Variants in TMF1 observed in about 807,000 individuals in gnomAD.
TMF1 encodes TATA element modulatory factor.
Under a neutral mutation model 126.5 loss-of-function variants are expected in TMF1, and 71 were observed. The ratio of observed to expected loss-of-function variants is 0.56; its 90% CI spans 0.46 to 0.68. TMF1 has a LOEUF of 0.68. TMF1 is among the 30% of genes least tolerant of loss of function. The pLI is 0.00. For missense variants in TMF1, 1,259 were observed against 1,253.2 expected (o/e 1.00, Z -0.07); for synonymous variants, 461 against 430.5 (o/e 1.07, Z -0.88).
intron 8 of TMF1, among the ~76,000 whole-genome samples, chr3:69,036,034 T>G (rs1202000955): frequency 1.3e-5 from 2 of 150,112 alleles, no homozygotes; most frequent in African/African-American, 4.9e-5. Flanking sequence ...AAAGGATATA[T>G]GGACCATGGC....
chr3:69,027,285 C>T (rs1016219598), intron 13 of TMF1, among the ~76,000 whole-genome samples: 9 of 152,142 alleles, frequency 5.9e-5, no homozygotes, highest in Non-Finnish European at 1.3e-4. Context: ...TGTGAGTCCC[C>T]ATGCTCAGCC....
Position 69,033,654 on chromosome 3 carries a change from T to C in TMF1, c.2295A>G (p.Ser765=). ...GTCGAAGCAATGGTCTTGTTGTTGA[T>C]GAAACACTTTGACTCAGTTCCTGGT... The part of the protein sequence containing the change: ...NRNQELSQSV[S]STTRPLLRQI... The change falls in exon 10 of 17, where the codon TCA becomes TCG. Residue 765 remains serine (S), a synonymous_variant. Coordinates refer to ENST00000398559, the MANE Select transcript of TMF1 (RefSeq NM_007114.3). 1.2e-6 allele frequency: 2 copies of C among 1,613,938 alleles called. No homozygotes were observed. Among genetic ancestry groups the C allele is most frequent in the Non-Finnish European group, 1.7e-6 (2 of 1,179,956 alleles).
At position 69,038,681 on chromosome 3, in the gene TMF1, A is replaced by G; in HGVS notation, c.2034T>C (p.Asp678=). 1 of 1,614,066 alleles carries G rather than the reference A, an allele frequency of 6.2e-7. No homozygotes were observed. Among genetic ancestry groups the G allele is most frequent in the Non-Finnish European group, 8.5e-7 (1 of 1,180,006 alleles). The change falls in exon 8 of 17, where the codon GAT becomes GAC. Residue 678 remains aspartate, a synonymous_variant. Coordinates refer to ENST00000398559, the MANE Select transcript of TMF1 (RefSeq NM_007114.3). ...TDLHKANAAK[D]SEAQEAALSR... ...TCAGAGCAGCTTCCTGTGCCTCACT[A>G]TCCTTTGCAGCATTGGCTTTGTGAA...
At chr3:69,050,914 G>T (rs1203526178) in intron 1 of TMF1, among the ~76,000 whole-genome samples, 1 of 152,134 alleles carries the variant, frequency 6.6e-6, no homozygotes, top group Non-Finnish European at 1.5e-5. Flanking sequence ...CTGTTCCTTA[G>T]ACTTAAGAGT....
chr3:69,038,781 T>C (rs1386986632), intron 7 of TMF1, 61 bp from the exon 8 acceptor site: 2 of 1,587,076 alleles, frequency 1.3e-6, no homozygotes, highest in Non-Finnish European at 1.7e-6. Context: ...AAAAAGTATT[T>C]CTTCAACATC....
Position 69,025,721 on chromosome 3 carries a change from A to G in TMF1, c.2860-9T>C, listed in dbSNP as rs759574122. On this transcript the variant is annotated splice_polypyrimidine_tract_variant and intron_variant, in intron 14 of 16. Coordinates refer to ENST00000398559, the MANE Select transcript of TMF1 (RefSeq NM_007114.3). ...TGATCATGAGACTCATCCTATGTTA[A>G]TTAAGAAAGTTCACACAGTTACTCA... 36 of 1,608,742 alleles carry G rather than the reference A, an allele frequency of 2.2e-5. No homozygotes were observed. Among genetic ancestry groups the G allele is most frequent in the Non-Finnish European group, 5.1e-6 (6 of 1,178,080 alleles).
At position 69,044,506 on chromosome 3, in the gene TMF1, A is replaced by G. The variant is rs1298035070; in HGVS notation, c.1437T>C (p.Phe479=). The change falls in exon 3 of 17, where the codon TTT becomes TTC. Residue 479 remains phenylalanine, a synonymous_variant. Coordinates refer to ENST00000398559, the MANE Select transcript of TMF1 (RefSeq NM_007114.3). The part of the protein sequence containing the change: ...SKEKALLEEA[F]DNLKDEMFRV... ...AGAATACTTACTCTTTCAGGTTATC[A>G]AAAGCTTCTTCTAGAAGTGCTTTTT... 1 of 1,589,434 alleles carries G rather than the reference A, an allele frequency of 6.3e-7. No homozygotes were observed. The highest frequency in any genetic ancestry group is 8.6e-7 in the Non-Finnish European group (1 of 1,169,164).
rs781080832 is a variant in TMF1, at chr3:69,023,188, T to C, written c.3271A>G (p.Ser1091Gly). 5.0e-5 allele frequency: 80 copies of C among 1,610,168 alleles called. No individual in the cohort carries two copies. Among genetic ancestry groups the C allele is most frequent in the Middle Eastern group, 1.7e-4 (1 of 5,986 alleles). Residue 1091 changes from serine to glycine, a missense_variant, in exon 17 of 17, where the codon AGT becomes GGT. Coordinates refer to ENST00000398559, the MANE Select transcript of TMF1 (RefSeq NM_007114.3). Reference protein sequence around the residue: ...KTQIDELLRQSLS With the variant: ...KTQIDELLRQGLS ...TCAATTTTCACAAGTTAACTGAGAC[T>C]TTGTCTTAAAAGTTCATCTATTTGA... is the stretch of plus-strand genomic sequence containing the variant.
intron 10 of TMF1, chr3:69,030,281 C>A (rs966398918): frequency 6.6e-6 from 2 of 301,484 alleles, no homozygotes; most frequent in African/African-American, 4.3e-5. Flanking sequence ...CCTGGAGCAA[C>A]TGGACAGCTA....
chr3:69,047,782 T>C lies in TMF1; in HGVS notation c.923A>G (p.Asp308Gly), dbSNP rs1200996924. The C allele has an allele frequency of 1.9e-6, 3 of 1,614,110 alleles. No individual in the cohort carries two copies. Among genetic ancestry groups the C allele is most frequent in the Admixed American group, 1.7e-5 (1 of 60,020 alleles). Residue 308 changes from aspartate (D) to glycine (G), a missense_variant, in exon 2 of 17, where the codon GAT (aspartate) becomes GGT (glycine). Coordinates refer to ENST00000398559, the MANE Select transcript of TMF1 (RefSeq NM_007114.3). ...ASACPEYNRLDDFQKLTESCC... is the reference protein window; with the variant it reads ...ASACPEYNRLGDFQKLTESCC... ...ACTCTCAGTGAGTTTTTGGAAATCATCTAAACGATTATATTCAGGACAAGC... is the reference window on the plus strand; with the variant it reads ...ACTCTCAGTGAGTTTTTGGAAATCACCTAAACGATTATATTCAGGACAAGC...
rs111542457 is a variant in TMF1 at position 69,038,497 on chromosome 3, T to C, written c.2151+67A>G. ...ACATTGTTTGATTCAAACCAGCTAATTGTTTAATTTGTAGAAGCATAAACA... is the reference window on the plus strand; with the variant it reads ...ACATTGTTTGATTCAAACCAGCTAACTGTTTAATTTGTAGAAGCATAAACA... On this transcript the variant is annotated intron_variant, in intron 8 of 16. Coordinates refer to ENST00000398559, the MANE Select transcript of TMF1 (RefSeq NM_007114.3). 1,231 of 1,523,622 alleles carry C rather than the reference T, an allele frequency of 8.1e-4. 8 individuals carry two copies. The African/African-American group carries it at 0.015, about 19-fold the overall frequency. The allele number at this position is 1,523,622 out of a possible 1,614,324, so 94.4% of individuals were successfully genotyped here.
In TMF1 at chr3:69,047,343, A is replaced by G. The variant is rs780597222; in HGVS notation, c.1347+15T>C. 6.5e-6 allele frequency: 10 copies of G among 1,546,492 alleles called. No individual in the cohort carries two copies. Among genetic ancestry groups the G allele is most frequent in the Non-Finnish European group, 8.7e-6 (10 of 1,147,034 alleles). Reference sequence around the variant, plus strand: ...AAAAGCACATCTAAAAATCCCTTCCACTTACTAGAGTTACCTTGCAAACAT... The same window carrying G: ...AAAAGCACATCTAAAAATCCCTTCCGCTTACTAGAGTTACCTTGCAAACAT... On this transcript the variant is annotated intron_variant, in intron 2 of 16. Coordinates refer to ENST00000398559, the MANE Select transcript of TMF1 (RefSeq NM_007114.3).
rs1158311697 is a variant in TMF1 at position 69,052,276 on chromosome 3, A to T, written c.-190T>A. 5.7e-6 allele frequency: 3 copies of T among 525,316 alleles called. No homozygotes were observed. Among genetic ancestry groups the T allele is most frequent in the Non-Finnish European group, 9.7e-6 (3 of 307,698 alleles). 32.5% of individuals were successfully genotyped at this position (525,316 alleles called of 1,614,324 possible). A position where few individuals can be genotyped will look rare whatever the true frequency, so the allele number is the denominator to read the frequency against. ...CGGCCGTTCCCGCACAGCTGAGACG[A>T]AGGGGGCCCATGTGCGCATGCGCTT... On this transcript the variant is annotated 5_prime_UTR_variant, in exon 1 of 17. Transcript: ENST00000398559.
At chr3:69,035,546 C>CTTT (rs2091827107) in intron 8 of TMF1, 1 of 154,826 alleles carries the variant, frequency 6.5e-6, no homozygotes, top group Non-Finnish European at 1.4e-5. Context: ...AAAGAATCAT[C>CTTT]AAACTTCTCA....
At chr3:69,031,363 G>A (rs2091801108) in intron 10 of TMF1, among the ~76,000 whole-genome samples, 1 of 152,066 alleles carries the variant, frequency 6.6e-6, no homozygotes, top group African/African-American at 2.4e-5. Flanking sequence ...TGTTGGAACT[G>A]TTCAATATCT....
At position 69,036,251 on chromosome 3, in the gene TMF1, G is replaced by A. The variant is rs775723981; in HGVS notation, c.2152-1136C>T. Reference sequence around the variant, plus strand: ...GTATAAACAATAAACTATCATTTACGTAAAAAGGATGTAGGAGATAGAAAT... The same window carrying A: ...GTATAAACAATAAACTATCATTTACATAAAAAGGATGTAGGAGATAGAAAT... On this transcript the variant is annotated intron_variant, in intron 8 of 16. Coordinates refer to ENST00000398559, the MANE Select transcript of TMF1 (RefSeq NM_007114.3). 2.6e-4 allele frequency among the ~76,000 whole-genome samples: 40 copies of A among 151,358 alleles called. 1 individual carries two copies. The highest frequency in any genetic ancestry group is 5.9e-4 in the Admixed American group (9 of 15,200).
chr3:69,032,091 T>A (rs552379448), intron 10 of TMF1, among the ~76,000 whole-genome samples: 2 of 152,220 alleles, frequency 1.3e-5, no homozygotes, highest in South Asian at 4.1e-4. Flanking sequence ...CTAGACCAAA[T>A]CTTTCATGGA....
In TMF1 at chr3:69,025,585, C is replaced by G; in HGVS notation, c.2987G>C (p.Arg996Thr). ...CTGTAAATGAGTGATTTCCCCTTCCCTTAGCTTTAGCTGAGACTGTAGGTT... is the reference window on the plus strand; with the variant it reads ...CTGTAAATGAGTGATTTCCCCTTCCGTTAGCTTTAGCTGAGACTGTAGGTT... Reference protein sequence around the residue: ...IENLQSQLKLREGEITHLQLE... With the variant: ...IENLQSQLKLTEGEITHLQLE... Residue 996 changes from arginine to threonine, a missense_variant, in exon 15 of 17, where the codon AGG becomes ACG. Physicochemically the swap from Arg to Thr is moderately conservative, Grantham distance 71. Transcript: ENST00000398559. The G allele has an allele frequency of 6.2e-7, 1 of 1,613,042 alleles. No individual in the cohort carries two copies. The highest frequency in any genetic ancestry group is 1.7e-5 in the Admixed American group (1 of 59,778).
chr3:69,039,424 T>C, intron 6 of TMF1, 127 bp downstream of exon 6: 3 of 1,080,182 alleles, frequency 2.8e-6, no homozygotes, highest in Non-Finnish European at 3.9e-6. Context: ...CATTTATCTA[T>C]TGTTTGAAAA....
Sources: allele counts gnomAD v4.1 joint callset (sites outside exome capture counted in the v4.1 genomes callset), GRCh38; gene constraint gnomAD v4.1.1; transcripts MANE v1.5; gene names NCBI Gene and HGNC (gene_info 2026-07-23, HGNC 2026-07-21).